The following ABL2 variants were observed in gnomAD, a reference collection of about 807,000 sequenced individuals.
ABL2 encodes ABL proto-oncogene 2, non-receptor tyrosine kinase.
Under a neutral mutation model 107.7 loss-of-function variants are expected in ABL2, and 49 were observed. The observed-to-expected ratio is 0.45, with a 90% CI of 0.36 to 0.58. The LOEUF (loss-of-function observed/expected upper bound fraction) is 0.58. Ranked by LOEUF, ABL2 falls within the 20% of genes least tolerant of loss-of-function variation. The pLI is 0.00. For missense variants in ABL2, 1,245 were observed against 1,457.0 expected (o/e 0.85, Z 2.37); for synonymous variants, 549 against 548.6 (o/e 1.00, Z -0.01).
intron 4 of ABL2, among the ~76,000 whole-genome samples, chr1:179,124,889 T>G (rs930494978): frequency 6.6e-6 from 1 of 152,266 alleles, no homozygotes; most frequent in East Asian, 1.9e-4. Flanking sequence ...TTTTAAGGTA[T>G]ACCATTTCAT....
rs187246982 is a variant in ABL2, at chr1:179,188,613, T to C, written c.157+40628A>G. Among the ~76,000 whole-genome samples the C allele has an allele frequency of 1.8e-3, 270 of 152,264 alleles. 1 individual carries two copies. The highest frequency in any genetic ancestry group is 2.8e-3 in the Non-Finnish European group (190 of 68,006). ...TCCCTTTACCCAGCACTATCTTCCT[T>C]CCTACCACTAATCACCACATTGTAT... On this transcript the variant is annotated intron_variant, in intron 1 of 11. Coordinates refer to ENST00000502732, the MANE Select transcript of ABL2 (RefSeq NM_007314.4).
intron 1 of ABL2, chr1:179,184,526 G>A (rs1396226972): frequency 1.6e-6 from 1 of 627,838 alleles, no homozygotes; most frequent in East Asian, 2.9e-5. Context: ...TCCCATTACA[G>A]TACTACTTGG....
At chr1:179,193,483 C>T (rs1255969983) in intron 1 of ABL2, among the ~76,000 whole-genome samples, 2 of 149,662 alleles carry the variant, frequency 1.3e-5, no homozygotes, top group East Asian at 4.0e-4. Context: ...GACTCACTTG[C>T]AACCTCTGCC....
rs1654890937 is a variant in ABL2 at position 179,118,711 on chromosome 1, C to T, written c.1099G>A (p.Gly367Arg). The change falls in exon 7 of 12, where the codon GGG (glycine) becomes AGG (arginine). Residue 367 changes from glycine (G) to arginine (R), a missense_variant. By Grantham distance (125) the Gly-to-Arg change is moderately radical. Around this residue, in one of 3 missense-constraint regions of ABL2, gnomAD observed 320 missense variants for 547.0 expected, o/e 0.59. Transcript: ENST00000502732. The part of the protein sequence containing the change: ...FYIVTEYMPY[G>R]NLLDYLRECN... ...TCTCGGAGGTAATCCAGCAAATTCC[C>T]GTATGGCATGTATTCAGTCACAATG... is the stretch of plus-strand genomic sequence containing the variant. The T allele has an allele frequency of 6.2e-7, 1 of 1,613,944 alleles. No individual in the cohort carries two copies. Among genetic ancestry groups the T allele is most frequent in the Non-Finnish European group, 8.5e-7 (1 of 1,179,990 alleles).
chr1:179,163,716 C>T (rs1335785325), intron 1 of ABL2, among the ~76,000 whole-genome samples: 1 of 152,090 alleles, frequency 6.6e-6, no homozygotes, highest in Non-Finnish European at 1.5e-5. Flanking sequence ...CACCGCACTC[C>T]AGTCTGGATG....
chr1:179,167,280 G>A (rs1659442546), intron 1 of ABL2, among the ~76,000 whole-genome samples: 1 of 152,112 alleles, frequency 6.6e-6, no homozygotes, highest in Non-Finnish European at 1.5e-5. Flanking sequence ...GGAACTGAGG[G>A]TCATTATGTT....
At chr1:179,117,816 A>G (rs1654795339) in intron 7 of ABL2, among the ~76,000 whole-genome samples, 1 of 152,100 alleles carries the variant, frequency 6.6e-6, no homozygotes, top group African/African-American at 2.4e-5. Context: ...GCAGAAAACT[A>G]TTTTAAAAAT....
rs1387862701 is a variant in ABL2, at chr1:179,135,599, T to TG, written c.158-2226dup. Among the ~76,000 whole-genome samples the TG allele has an allele frequency of 1.7e-3, 244 of 146,130 alleles. 1 individual carries two copies. Among genetic ancestry groups the TG allele is most frequent in the African/African-American group, 5.9e-3 (229 of 39,028 alleles). On this transcript the variant is annotated intron_variant, in intron 1 of 11. Coordinates refer to ENST00000502732, the MANE Select transcript of ABL2 (RefSeq NM_007314.4). ...GCAGCCACCTCGTCCGGGAGGGAGGTGGGGGGGTCAGCCCCCCACCCGGCC... is the reference window on the plus strand; with the variant it reads ...GCAGCCACCTCGTCCGGGAGGGAGGTGGGGGGGGTCAGCCCCCCACCCGGCC...
Position 179,108,641 on chromosome 1 carries a change from G to C in ABL2, c.2626C>G (p.Pro876Ala), listed in dbSNP as rs758571122. The C allele has an allele frequency of 1.2e-6, 2 of 1,614,214 alleles. No homozygotes were observed. The highest frequency in any genetic ancestry group is 1.7e-6 in the Non-Finnish European group (2 of 1,180,046). ...SGDLAITEKD[P>A]PGVGVAGVAA... is the part of the protein sequence containing the mutation. Reference sequence around the variant, plus strand: ...ACTCCAGCCACTCCCACCCCTGGAGGGTCCTTCTCTGTAATGGCTAGATCC... The same window carrying C: ...ACTCCAGCCACTCCCACCCCTGGAGCGTCCTTCTCTGTAATGGCTAGATCC... The change falls in exon 12 of 12, where the codon CCT becomes GCT. Residue 876 changes from proline (P) to alanine (A), a missense_variant. Physicochemically the swap from Pro to Ala is conservative, Grantham distance 27. Transcript: ENST00000502732.
intron 1 of ABL2, among the ~76,000 whole-genome samples, chr1:179,193,958 G>A (rs1012873790): frequency 6.6e-6 from 1 of 152,020 alleles, no homozygotes; most frequent in Non-Finnish European, 1.5e-5. Flanking sequence ...GGATGGTCTC[G>A]ATCCTGGCCA....
At chr1:179,145,273 C>T (rs1442957497) in intron 1 of ABL2, among the ~76,000 whole-genome samples, 3 of 152,260 alleles carry the variant, frequency 2.0e-5, no homozygotes, top group African/African-American at 4.8e-5. Context: ...TCCTACTAAA[C>T]TGTACATCTA....
intron 1 of ABL2, among the ~76,000 whole-genome samples, chr1:179,204,066 G>A (rs966719405): frequency 1.3e-4 from 20 of 151,688 alleles, no homozygotes; most frequent in African/African-American, 3.9e-4. Flanking sequence ...TCGCTCTGTC[G>A]CCCAGGCTGG....
intron 3 of ABL2, among the ~76,000 whole-genome samples, chr1:179,129,193 G>C (rs555825293): frequency 6.6e-6 from 1 of 152,176 alleles, no homozygotes; most frequent in African/African-American, 2.4e-5. Context: ...TAAGATAAAG[G>C]CCAGTCATAA....
At chr1:179,183,922 T>C (rs1405801437) in intron 1 of ABL2, 1 of 259,412 alleles carries the variant, frequency 3.9e-6, no homozygotes, top group South Asian at 5.3e-5. Flanking sequence ...GGAAGAGACA[T>C]CATCAGCCTC....
In ABL2 at chr1:179,176,702, C is replaced by CTTTTT. The variant is rs35138436; in HGVS notation, c.158-43333_158-43329dup. ...TTTGTTTTTAGTGTTGTTACATATT[C>CTTTTT]TTTTTTTTTTCCAGACAGATTCTCA... On this transcript the variant is annotated intron_variant, in intron 1 of 11. Coordinates refer to ENST00000502732, the MANE Select transcript of ABL2 (RefSeq NM_007314.4). Among the ~76,000 whole-genome samples, 7 of 107,302 alleles carry CTTTTT rather than the reference C, an allele frequency of 6.5e-5. 1 individual carries two copies. In the South Asian group the frequency reaches 8.6e-4, roughly 13 times the overall value. The allele number at this position is 107,302 out of a possible 152,430, so 70.4% of individuals were successfully genotyped here.
At chr1:179,141,008 C>T (rs1041808765) in intron 1 of ABL2, among the ~76,000 whole-genome samples, 15 of 150,130 alleles carry the variant, frequency 1.0e-4, no homozygotes, top group Non-Finnish European at 1.5e-4. Flanking sequence ...CCCAACTACT[C>T]GGGAGGCTGA....
chr1:179,184,011 G>A, intron 1 of ABL2: 1 of 271,528 alleles, frequency 3.7e-6, no homozygotes, highest in South Asian at 4.8e-5. Flanking sequence ...AAATAGACAG[G>A]CTTAATGAAC....
At chr1:179,160,518 T>G (rs1010560136) in intron 1 of ABL2, among the ~76,000 whole-genome samples, 1 of 152,148 alleles carries the variant, frequency 6.6e-6, no homozygotes, top group Non-Finnish European at 1.5e-5. Flanking sequence ...CATATCTACA[T>G]TATCTAATTC....
chr1:179,109,657 G>A (rs748101447), intron 11 of ABL2, among the ~76,000 whole-genome samples: 2 of 152,006 alleles, frequency 1.3e-5, no homozygotes, highest in Non-Finnish European at 2.9e-5. Context: ...GGCCGGGCAC[G>A]GTGGCTCACG....
Sources: gnomAD v4.1 joint callset for allele counts (sites outside exome capture counted in the v4.1 genomes callset) on GRCh38, gnomAD v4.1.1 for gene constraint, gnomAD v4.1.1 regional missense constraint, MANE v1.5 for transcripts, NCBI Gene and HGNC (gene_info 2026-07-23, HGNC 2026-07-21) for gene names.